The following KCNQ1 variants were observed in gnomAD, a reference collection of about 807,000 sequenced individuals.
KCNQ1 encodes the protein potassium voltage-gated channel subfamily KQT member 1.
Under a neutral mutation model 72.4 loss-of-function variants are expected in KCNQ1, and 49 were observed. The ratio of observed to expected loss-of-function variants is 0.68; its 90% confidence interval spans 0.54 to 0.86. The LOEUF is 0.86. Ranked by LOEUF, KCNQ1 falls within the 40% of genes least tolerant of loss-of-function variation. KCNQ1 has a pLI of 0.00. For missense variants in KCNQ1, 790 were observed against 945.1 expected (o/e 0.84, Z 2.15); for synonymous variants, 450 against 412.6 (o/e 1.09, Z -1.10).
chr11:2,622,340 T>C (rs1240801676), intron 10 of KCNQ1: 1 of 398,342 alleles, frequency 2.5e-6, no homozygotes, highest in African/African-American at 2.1e-5. Flanking sequence ...AATTCAAGTT[T>C]ATTTCTTTTA....
chr11:2,500,584 T>C (rs1051916680), intron 1 of KCNQ1, among the ~76,000 whole-genome samples: 9 of 152,174 alleles, frequency 5.9e-5, no homozygotes, highest in African/African-American at 1.9e-4. Context: ...CATATGTTTA[T>C]TGCACCACTA....
In KCNQ1 at chr11:2,687,369, C is replaced by G. The variant is rs1251925701; in HGVS notation, c.1514+25288C>G. ...GGTAGCCAGGTCTGCCTTGGGCTGT[C>G]ACTCAGGGCTGAGCTCTGCTGAAGG... On this transcript the variant is annotated intron_variant, in intron 11 of 15. Transcript: ENST00000155840. This position sits in a 1 kb window ranked among gnomAD's most constrained non-coding sequence, Gnocchi z 5.0. 5.0e-6 allele frequency: 2 copies of G among 398,520 alleles called. No homozygotes were observed. The highest frequency in any genetic ancestry group is 8.8e-6 in the Non-Finnish European group (2 of 226,106). 24.7% of individuals were successfully genotyped at this position (398,520 alleles called of 1,614,324 possible). A position where few individuals can be genotyped will look rare whatever the true frequency, so the allele number is the denominator to read the frequency against.
At position 2,462,040 on chromosome 11, in the gene KCNQ1, C is replaced by T; in HGVS notation, c.386+16556C>T. 2 of 330,010 alleles carry T rather than the reference C, an allele frequency of 6.1e-6. No homozygotes were observed. Among genetic ancestry groups the T allele is most frequent in the South Asian group, 4.9e-5 (2 of 40,728 alleles). The allele number at this position is 330,010 out of a possible 1,614,324, so 20.4% of individuals were successfully genotyped here. A position where few individuals can be genotyped will look rare whatever the true frequency, so the allele number is the denominator to read the frequency against. On this transcript the variant is annotated intron_variant, in intron 1 of 15. Coordinates refer to ENST00000155840, the MANE Select transcript of KCNQ1 (RefSeq NM_000218.3). This position sits in a 1 kb window ranked among gnomAD's most constrained non-coding sequence, Gnocchi z 8.2. ...TGGGATGCATTGCTGCTCCTTCCGC[C>T]ATCCCAGCAGCTGTCCAGAGATGAG...
chr11:2,682,475 C>CGAGTGAGTGAGTGAGT lies in KCNQ1; in HGVS notation c.1514+20411_1514+20426dup, dbSNP rs3831584. The CGAGTGAGTGAGTGAGT allele has an allele frequency of 5.0e-3, 1,977 of 394,090 alleles. 7 individuals carry two copies. Among genetic ancestry groups the CGAGTGAGTGAGTGAGT allele is most frequent in the African/African-American group, 0.016 (770 of 47,818 alleles). The allele number at this position is 394,090 out of a possible 1,614,324, so 24.4% of individuals were successfully genotyped here. A position where few individuals can be genotyped will look rare whatever the true frequency, so the allele number is the denominator to read the frequency against. On this transcript the variant is annotated intron_variant, in intron 11 of 15. Coordinates refer to ENST00000155840, the MANE Select transcript of KCNQ1 (RefSeq NM_000218.3). The surrounding 1 kb of genome is among the most constrained non-coding windows in gnomAD (Gnocchi z 5.8). ...TCACGGACCCTCAGTGAATGTTTGA[C>CGAGTGAGTGAGTGAGT]GAGTGAGTGAGTGAGTGAGTGAGTG... is the stretch of plus-strand genomic sequence containing the variant.
In KCNQ1 at chr11:2,620,600, T is replaced by C; in HGVS notation, c.1393+31746T>C. The C allele has an allele frequency of 2.5e-6, 1 of 397,628 alleles. No homozygotes were observed. Among genetic ancestry groups the C allele is most frequent in the Non-Finnish European group, 4.4e-6 (1 of 225,936 alleles). 24.6% of individuals were successfully genotyped at this position (397,628 alleles called of 1,614,324 possible). A position where few individuals can be genotyped will look rare whatever the true frequency, so the allele number is the denominator to read the frequency against. On this transcript the variant is annotated intron_variant, in intron 10 of 15. Coordinates refer to ENST00000155840, the MANE Select transcript of KCNQ1 (RefSeq NM_000218.3). This position sits in a 1 kb window ranked among gnomAD's most constrained non-coding sequence, Gnocchi z 4.5. ...TTATCCAATCCACCACTGATGGGCA[T>C]CTAAGTGGATTCCATGTCTTTGCTG... is the stretch of plus-strand genomic sequence containing the variant.
chr11:2,797,602 C>T (rs995793323), intron 15 of KCNQ1, among the ~76,000 whole-genome samples: 9 of 152,282 alleles, frequency 5.9e-5, no homozygotes, highest in South Asian at 4.1e-4. Flanking sequence ...AGCATCTGAC[C>T]GCCTTCTTGT....
At chr11:2,700,362 G>T (rs1454762418) in intron 11 of KCNQ1, among the ~76,000 whole-genome samples, 1 of 152,144 alleles carries the variant, frequency 6.6e-6, no homozygotes, top group Non-Finnish European at 1.5e-5. Flanking sequence ...AGTTCTCTGC[G>T]TGATGTGTTC....
At chr11:2,773,800 G>A (rs137987627) in intron 12 of KCNQ1, among the ~76,000 whole-genome samples, 4 of 150,756 alleles carry the variant, frequency 2.7e-5, no homozygotes, top group Admixed American at 6.6e-5. Context: ...TCTTACAGAA[G>A]GGAGCTTAGC....
In KCNQ1 at chr11:2,669,648, G is replaced by A; in HGVS notation, c.1514+7567G>A. On this transcript the variant is annotated intron_variant, in intron 11 of 15. Coordinates refer to ENST00000155840, the MANE Select transcript of KCNQ1 (RefSeq NM_000218.3). This position sits in a 1 kb window ranked among gnomAD's most constrained non-coding sequence, Gnocchi z 5.6. ...GCCTCAGTTTCCTCTTGTATACATT[G>A]GGAGTATATCTCACAGTATTAGTGT... 2.5e-6 allele frequency: 1 copy of A among 398,604 alleles called. No homozygotes were observed. Among genetic ancestry groups the A allele is most frequent in the South Asian group, 1.3e-4 (1 of 7,858 alleles). The allele number at this position is 398,604 out of a possible 1,614,324, so 24.7% of individuals were successfully genotyped here. A position where few individuals can be genotyped will look rare whatever the true frequency, so the allele number is the denominator to read the frequency against.
At chr11:2,631,844 G>T in intron 10 of KCNQ1, 1 of 398,558 alleles carries the variant, frequency 2.5e-6, no homozygotes, top group Non-Finnish European at 4.4e-6. Flanking sequence ...AAATAGAGTT[G>T]TGTTAATAAT....
chr11:2,556,655 G>A (rs1299301003), intron 2 of KCNQ1, among the ~76,000 whole-genome samples: 6 of 152,208 alleles, frequency 3.9e-5, no homozygotes, highest in Non-Finnish European at 7.3e-5. Context: ...AATGTTGGAG[G>A]TTGCTTTCTA....
At chr11:2,487,504 T>C (rs1256313242) in intron 1 of KCNQ1, among the ~76,000 whole-genome samples, 1 of 152,232 alleles carries the variant, frequency 6.6e-6, no homozygotes, top group Non-Finnish European at 1.5e-5. Context: ...TCCATGAACA[T>C]GGGATATGTT....
rs975432452 is a variant in KCNQ1, at chr11:2,479,915, C to T, written c.386+34431C>T. ...TTTGCAGCTTAGAAATTTCTTCCAC[C>T]AAATACCCTAAATCATCTCCCTCAA... On this transcript the variant is annotated intron_variant, in intron 1 of 15. Coordinates refer to ENST00000155840, the MANE Select transcript of KCNQ1 (RefSeq NM_000218.3). The surrounding 1 kb of genome is among the most constrained non-coding windows in gnomAD (Gnocchi z 4.6). 3.3e-5 allele frequency among the ~76,000 whole-genome samples: 5 copies of T among 152,170 alleles called. No homozygotes were observed. Among genetic ancestry groups the T allele is most frequent in the Non-Finnish European group, 5.9e-5 (4 of 68,032 alleles).
chr11:2,753,700 C>T (rs1190229161), intron 11 of KCNQ1, among the ~76,000 whole-genome samples: 1 of 152,344 alleles, frequency 6.6e-6, no homozygotes, highest in East Asian at 1.9e-4. Flanking sequence ...AAAGCCATAC[C>T]AGGCCCCATG....
rs1850356189 is a variant in KCNQ1, at chr11:2,679,713, G to A, written c.1514+17632G>A. The A allele has an allele frequency of 2.5e-6, 1 of 398,404 alleles. No individual in the cohort carries two copies. Among genetic ancestry groups the A allele is most frequent in the Non-Finnish European group, 4.4e-6 (1 of 226,050 alleles). 24.7% of individuals were successfully genotyped at this position (398,404 alleles called of 1,614,324 possible). A position where few individuals can be genotyped will look rare whatever the true frequency, so the allele number is the denominator to read the frequency against. ...ATTTTTTTTAAATCAGCCGTTCTCT[G>A]TATTCTTGTCCAGATGCTGTGGACA... On this transcript the variant is annotated intron_variant, in intron 11 of 15. Transcript: ENST00000155840. The surrounding 1 kb of genome is among the most constrained non-coding windows in gnomAD (Gnocchi z 4.8).
At chr11:2,646,387 A>AT (rs1384496662) in intron 10 of KCNQ1, 15 of 398,446 alleles carry the variant, frequency 3.8e-5, no homozygotes, top group Non-Finnish European at 6.2e-5. Flanking sequence ...TGTTATCAGT[A>AT]TTTTATAGTT....
Position 2,446,096 on chromosome 11 carries a change from C to T in KCNQ1, c.386+612C>T, listed in dbSNP as rs1195981236. On this transcript the variant is annotated intron_variant, in intron 1 of 15. Coordinates refer to ENST00000155840, the MANE Select transcript of KCNQ1 (RefSeq NM_000218.3). This position sits in a 1 kb window ranked among gnomAD's most constrained non-coding sequence, Gnocchi z 8.8. ...TGCAGAGAGCGGAGAGGCACGTTTG[C>T]AGCTCTCACTAAGAGGCAGCTGTGC... is the stretch of plus-strand genomic sequence containing the variant. 6.6e-6 allele frequency among the ~76,000 whole-genome samples: 1 copy of T among 152,230 alleles called. No individual in the cohort carries two copies. The highest frequency in any genetic ancestry group is 1.5e-5 in the Non-Finnish European group (1 of 68,036).
At position 2,659,479 on chromosome 11, in the gene KCNQ1, A is replaced by T; in HGVS notation, c.1394-2482A>T. On this transcript the variant is annotated intron_variant, in intron 10 of 15. Coordinates refer to ENST00000155840, the MANE Select transcript of KCNQ1 (RefSeq NM_000218.3). The surrounding 1 kb of genome is among the most constrained non-coding windows in gnomAD (Gnocchi z 4.3). ...CTGGGTGGTATTCCATTGCATGAAT[A>T]TATACATTTTGTTTATGCATTCACC... 2.5e-6 allele frequency: 1 copy of T among 398,560 alleles called. No homozygotes were observed. The highest frequency in any genetic ancestry group is 3.6e-5 in the East Asian group (1 of 28,052). The allele number at this position is 398,560 out of a possible 1,614,324, so 24.7% of individuals were successfully genotyped here.
rs1850204154 is a variant in KCNQ1, at chr11:2,672,483, T to A, written c.1514+10402T>A. On this transcript the variant is annotated intron_variant, in intron 11 of 15. Coordinates refer to ENST00000155840, the MANE Select transcript of KCNQ1 (RefSeq NM_000218.3). ...ATATCCTTCCCTAAGGTCCCCACAT[T>A]CCATGGCAGTGCCTAGGAGCTCTGT... 1.3e-5 allele frequency: 5 copies of A among 398,622 alleles called. No individual in the cohort carries two copies. In the South Asian group the frequency reaches 3.8e-4, roughly 30 times the overall value. The allele number at this position is 398,622 out of a possible 1,614,324, so 24.7% of individuals were successfully genotyped here.
Sources: allele counts gnomAD v4.1 joint callset (sites outside exome capture counted in the v4.1 genomes callset), GRCh38; gene constraint gnomAD v4.1.1; non-coding constraint Gnocchi (gnomAD v3.1); transcripts MANE v1.5; gene names NCBI Gene and HGNC (gene_info 2026-07-23, HGNC 2026-07-21).